The following NOS1 variants were observed in gnomAD, a reference collection of about 807,000 sequenced individuals.
NOS1 encodes NOS type I.
NOS1 carries 51 observed loss-of-function variants against 164.5 expected under a neutral mutation model. The ratio of observed to expected loss-of-function variants is 0.31; its 90% CI spans 0.25 to 0.39. NOS1 has a LOEUF of 0.39. Among genes scored for constraint, NOS1 ranks in the 10% least tolerant of loss-of-function variants. The pLI is 1.00. For synonymous variants in NOS1, 719 were observed against 745.8 expected (o/e 0.96, Z 0.59); for missense variants, 1,362 against 1,885.6 (o/e 0.72, Z 5.14).
Position 117,209,966 on chromosome 12 carries a change from T to A in NOS1, c.*5343A>T. The A allele has an allele frequency of 1.0e-6, 1 of 985,390 alleles. No individual in the cohort carries two copies. 61.0% of individuals were successfully genotyped at this position (985,390 alleles called of 1,614,324 possible). Reference sequence around the variant, plus strand: ...CCTGTGTTTCCTTAATCCCAGCACCTGGTCTTTCATTTTAATTTTTTTTAG... The same window carrying A: ...CCTGTGTTTCCTTAATCCCAGCACCAGGTCTTTCATTTTAATTTTTTTTAG... On this transcript the variant is annotated 3_prime_UTR_variant, in exon 29 of 29. Transcript: ENST00000317775.
chr12:117,307,866 T>G lies in NOS1; in HGVS notation c.852+3600A>C, dbSNP rs73405453. On this transcript the variant is annotated intron_variant, in intron 3 of 28. Transcript: ENST00000317775. ...ACCCCATCTCCAAAAAATGTAAAAA[T>G]TACCCGAGTGTGGTGGCACACACCT... 8.0e-3 allele frequency among the ~76,000 whole-genome samples: 1,216 copies of G among 151,448 alleles called. 71 individuals carry two copies. The East Asian group carries it at 0.17, about 21-fold the overall frequency.
intron 9 of NOS1, among the ~76,000 whole-genome samples, chr12:117,274,763 G>A (rs1298638637): frequency 1.0e-4 from 8 of 77,694 alleles, no homozygotes; most frequent in African/African-American, 4.0e-4. Context: ...GTGACACTCC[G>A]TCTCACAAAA....
At chr12:117,296,494 C>G (rs182722121) in intron 3 of NOS1, among the ~76,000 whole-genome samples, 1 of 152,290 alleles carries the variant, frequency 6.6e-6, no homozygotes, top group East Asian at 1.9e-4. Flanking sequence ...AGCCTCTGAG[C>G]CTACATCTTT....
chr12:117,235,771 G>A (rs905037616), intron 20 of NOS1, among the ~76,000 whole-genome samples: 3 of 152,064 alleles, frequency 2.0e-5, no homozygotes, highest in Non-Finnish European at 4.4e-5. Context: ...GGCTGGGCAC[G>A]GTGGCTCACG....
Position 117,234,656 on chromosome 12 carries a change from G to T in NOS1, c.3144C>A (p.Leu1048=). Reference sequence around the variant, plus strand: ...CCAGCCGCTCGATCAGGGCATTCACGAGGTCCTCGTGGTTGCCAGGGAAGA... The same window carrying T: ...CCAGCCGCTCGATCAGGGCATTCACTAGGTCCTCGTGGTTGCCAGGGAAGA... ...LGVFPGNHED[L]VNALIERLED... The change falls in exon 21 of 29, where the codon CTC becomes CTA. Residue 1048 remains leucine (L), a synonymous_variant. Transcript: ENST00000317775. The surrounding 1 kb of genome is among the most constrained non-coding windows in gnomAD (Gnocchi z 4.3). The T allele has an allele frequency of 6.2e-7, 1 of 1,614,164 alleles. No homozygotes were observed. The highest frequency in any genetic ancestry group is 1.1e-5 in the South Asian group (1 of 91,074).
chr12:117,279,384 AC>A lies in NOS1; in HGVS notation c.1525-1287del, dbSNP rs1276285083. On this transcript the variant is annotated intron_variant, in intron 8 of 28. Coordinates refer to ENST00000317775, the MANE Select transcript of NOS1 (RefSeq NM_000620.5). The stretch of plus-strand genomic sequence containing the variant: ...CTCCATCTCAAAAAACAAAAAAAAA[AC>A]CAAAAAAAACAAACCAAGATCAATG... Among the ~76,000 whole-genome samples, 579 of 70,468 alleles carry A rather than the reference AC, an allele frequency of 8.2e-3. 1 individual carries two copies. The highest frequency in any genetic ancestry group is 0.025 in the African/African-American group (543 of 21,466). The allele number at this position is 70,468 out of a possible 152,430, so 46.2% of individuals were successfully genotyped here.
At chr12:117,359,986 T>A (rs1185407710) in intron 1 of NOS1, among the ~76,000 whole-genome samples, 1 of 133,086 alleles carries the variant, frequency 7.5e-6, no homozygotes, top group African/African-American at 2.8e-5. Context: ...ATATTCACAT[T>A]TATGATTTTT....
chr12:117,262,299 T>C (rs1871971690), intron 13 of NOS1, among the ~76,000 whole-genome samples: 1 of 152,060 alleles, frequency 6.6e-6, no homozygotes, highest in African/African-American at 2.4e-5. Flanking sequence ...GGAGCTGAAC[T>C]GAAGCCAACA....
At chr12:117,236,526 T>C (rs1869726064) in intron 20 of NOS1, among the ~76,000 whole-genome samples, 1 of 152,162 alleles carries the variant, frequency 6.6e-6, no homozygotes, top group Non-Finnish European at 1.5e-5. Context: ...TGGCCCTCCA[T>C]GGGCAGACCT....
intron 10 of NOS1, among the ~76,000 whole-genome samples, chr12:117,271,883 C>G (rs1872814946): frequency 6.6e-6 from 1 of 152,214 alleles, no homozygotes; most frequent in African/African-American, 2.4e-5. Context: ...AGTGGGGAAC[C>G]ACTGCCAACC....
chr12:117,246,679 C>G (rs186602937), intron 18 of NOS1, among the ~76,000 whole-genome samples: 1 of 152,286 alleles, frequency 6.6e-6, no homozygotes, highest in Non-Finnish European at 1.5e-5. Flanking sequence ...CCTTCTGTCT[C>G]TATGGATTTT....
intron 23 of NOS1, 78 bp from the exon 24 acceptor site, chr12:117,226,848 AC>A: frequency 2.8e-6 from 3 of 1,078,966 alleles, no homozygotes; most frequent in Non-Finnish European, 4.2e-6. Flanking sequence ...AGTGCAAAAT[AC>A]CCACAGGCCC....
At chr12:117,347,073 G>T (rs1431756904) in intron 1 of NOS1, among the ~76,000 whole-genome samples, 2 of 152,124 alleles carry the variant, frequency 1.3e-5, no homozygotes, top group African/African-American at 4.8e-5. Flanking sequence ...GATCACTTGA[G>T]GTCAGAAGTT....
chr12:117,298,385 C>T (rs1873571771), intron 3 of NOS1, among the ~76,000 whole-genome samples: 1 of 152,082 alleles, frequency 6.6e-6, no homozygotes, highest in Admixed American at 6.5e-5. Flanking sequence ...TTCACTTGCT[C>T]GCCTGCCGCT....
At chr12:117,265,642 T>C (rs947019833) in intron 11 of NOS1, 132 bp from the exon 12 acceptor site, 5 of 542,010 alleles carry the variant, frequency 9.2e-6, no homozygotes, top group African/African-American at 7.6e-5. Flanking sequence ...AGTGAGATGG[T>C]GATTCTCTCT....
At chr12:117,355,721 C>T (rs12826020) in intron 1 of NOS1, among the ~76,000 whole-genome samples, 8,786 of 152,214 alleles carry the variant, frequency 0.058, 305 homozygotes, top group East Asian at 0.1. Context: ...ACTACACCAA[C>T]TGGCTAACTC....
At chr12:117,226,540 A>T (rs1032470405) in intron 24 of NOS1, 143 bp downstream of exon 24, 5 of 681,430 alleles carry the variant, frequency 7.3e-6, no homozygotes, top group Non-Finnish European at 1.3e-5. Flanking sequence ...CTTAACAACT[A>T]AGAGAGACGC....
chr12:117,237,979 A>G (rs1040168075), intron 20 of NOS1, among the ~76,000 whole-genome samples: 11 of 152,188 alleles, frequency 7.2e-5, no homozygotes, highest in African/African-American at 2.7e-4. Flanking sequence ...ACTTAAGCAG[A>G]GACGTGCAAA....
chr12:117,220,891 C>G lies in NOS1; in HGVS notation c.3976-622G>C, dbSNP rs9658529. 4.7e-3 allele frequency among the ~76,000 whole-genome samples: 717 copies of G among 152,256 alleles called. 5 individuals carry two copies. Among genetic ancestry groups the G allele is most frequent in the South Asian group, 0.015 (74 of 4,828 alleles). On this transcript the variant is annotated intron_variant, in intron 26 of 28. Transcript: ENST00000317775. ...CTTTAACTTGTCCAGGAAACTCCCACTCTGAAGCTGATATTTAGCTGGAAC... is the reference window on the plus strand; with the variant it reads ...CTTTAACTTGTCCAGGAAACTCCCAGTCTGAAGCTGATATTTAGCTGGAAC...
Sources: allele counts gnomAD v4.1 joint callset (sites outside exome capture counted in the v4.1 genomes callset), GRCh38; gene constraint gnomAD v4.1.1; non-coding constraint Gnocchi (gnomAD v3.1); transcripts MANE v1.5; gene names NCBI Gene and HGNC (gene_info 2026-07-23, HGNC 2026-07-21).